SMIM31: variants seen among roughly 807,000 people sequenced by gnomAD.
The protein encoded by SMIM31 is human epithelial cell program regulator.
chr4:164,772,613 CT>C (rs781591633), intron 2 of SMIM31, among the ~76,000 whole-genome samples: 18 of 143,976 alleles, frequency 1.3e-4, no homozygotes, highest in Non-Finnish European at 2.7e-4. Flanking sequence ...GAGTCTCGCT[CT>C]GTCGCCCAGG....
intron 2 of SMIM31, among the ~76,000 whole-genome samples, chr4:164,771,667 G>A (rs1169572239): frequency 6.6e-6 from 1 of 152,068 alleles, no homozygotes; most frequent in Non-Finnish European, 1.5e-5. Context: ...AAATTAGCTG[G>A]GCTTGGTAGC....
At chr4:164,772,727 C>T (rs992679767) in intron 2 of SMIM31, among the ~76,000 whole-genome samples, 39 of 151,454 alleles carry the variant, frequency 2.6e-4, no homozygotes, top group Non-Finnish European at 4.3e-4. Flanking sequence ...TACAGGCGCC[C>T]GCCACCACGC....
chr4:164,763,405 G>C (rs750963704), intron 1 of SMIM31, among the ~76,000 whole-genome samples: 2 of 152,072 alleles, frequency 1.3e-5, no homozygotes, highest in African/African-American at 2.4e-5. Context: ...CATCAGGAAG[G>C]ATGAGAATGT....
chr4:164,763,348 T>C (rs1423780225), intron 1 of SMIM31, among the ~76,000 whole-genome samples: 1 of 152,178 alleles, frequency 6.6e-6, no homozygotes, highest in African/African-American at 2.4e-5. Flanking sequence ...AAATCATCCT[T>C]TAGAAACTCA....
chr4:164,759,184 T>C (rs1023630173), intron 1 of SMIM31, among the ~76,000 whole-genome samples: 1 of 152,168 alleles, frequency 6.6e-6, no homozygotes, highest in African/African-American at 2.4e-5. Context: ...ATTGTTTTTG[T>C]AATGTCTGCC....
intron 2 of SMIM31, among the ~76,000 whole-genome samples, chr4:164,797,361 A>C (rs1254934946): frequency 6.6e-6 from 1 of 152,170 alleles, no homozygotes; most frequent in African/African-American, 2.4e-5. Flanking sequence ...GTCAAGGTTT[A>C]CAGAAACACA....
rs1733308274 is a variant in SMIM31 at position 164,803,112 on chromosome 4, C to T, written c.*1918C>T. 1 of 152,258 alleles carries T rather than the reference C, an allele frequency of 6.6e-6. No individual in the cohort carries two copies. The highest frequency in any genetic ancestry group is 2.4e-5 in the African/African-American group (1 of 41,528). The allele number at this position is 152,258 out of a possible 1,614,324, so 9.4% of individuals were successfully genotyped here. On this transcript the variant is annotated 3_prime_UTR_variant, in exon 3 of 3. Coordinates refer to ENST00000507311, the MANE Select transcript of SMIM31 (RefSeq NM_001352885.1). The stretch of plus-strand genomic sequence containing the variant: ...AACGCTACCTATTATTATTGGAAAG[C>T]ATTTTGGGACATTTGGACTTTTAAG...
intron 1 of SMIM31, among the ~76,000 whole-genome samples, chr4:164,765,871 C>G (rs1357025293): frequency 6.6e-6 from 1 of 152,126 alleles, no homozygotes; most frequent in Non-Finnish European, 1.5e-5. Context: ...TTTATTTTTA[C>G]TCTGGCAGAT....
intron 2 of SMIM31, among the ~76,000 whole-genome samples, chr4:164,797,139 G>A (rs977209257): frequency 5.9e-5 from 9 of 152,020 alleles, no homozygotes; most frequent in South Asian, 4.1e-4. Flanking sequence ...ACTCAATGTC[G>A]CCTTCTTAAT....
intron 2 of SMIM31, among the ~76,000 whole-genome samples, chr4:164,779,138 G>C (rs942882639): frequency 6.6e-6 from 1 of 152,098 alleles, no homozygotes; most frequent in Non-Finnish European, 1.5e-5. Context: ...TTCAACATTC[G>C]GGTATGTATG....
In SMIM31 at chr4:164,757,738, T is replaced by C. The variant is rs568507849; in HGVS notation, c.-26+3327T>C. ...GAAATCAAATGTCATAAAGGGTCGA[T>C]CTTAATTTTGAACCCTTTATTTAGT... On this transcript the variant is annotated intron_variant, in intron 1 of 2. Transcript: ENST00000507311. 6.6e-5 allele frequency among the ~76,000 whole-genome samples: 10 copies of C among 152,226 alleles called. No homozygotes were observed. The East Asian group carries it at 1.4e-3, about 21-fold the overall frequency.
chr4:164,759,497 T>C (rs1241836798), intron 1 of SMIM31, among the ~76,000 whole-genome samples: 1 of 152,214 alleles, frequency 6.6e-6, no homozygotes, highest in Non-Finnish European at 1.5e-5. Context: ...AAAAACTATA[T>C]CTGTAAGTGC....
chr4:164,760,531 G>C (rs1262015220), intron 1 of SMIM31, among the ~76,000 whole-genome samples: 1 of 150,152 alleles, frequency 6.7e-6, no homozygotes, highest in Non-Finnish European at 1.5e-5. Context: ...AGGAGTTCAA[G>C]ACCAGCCTGG....
chr4:164,799,473 G>A (rs565905674), intron 2 of SMIM31, among the ~76,000 whole-genome samples: 8 of 152,190 alleles, frequency 5.3e-5, no homozygotes, highest in South Asian at 2.1e-4. Flanking sequence ...GGAAAGAACA[G>A]CCTAATACAG....
Position 164,770,436 on chromosome 4 carries a change from G to A in SMIM31, c.-8G>A, listed in dbSNP as rs2110931825. 2.5e-6 allele frequency: 1 copy of A among 398,786 alleles called. No individual in the cohort carries two copies. Among genetic ancestry groups the A allele is most frequent in the Non-Finnish European group, 4.4e-6 (1 of 225,980 alleles). 24.7% of individuals were successfully genotyped at this position (398,786 alleles called of 1,614,324 possible). A position where few individuals can be genotyped will look rare whatever the true frequency, so the allele number is the denominator to read the frequency against. ...TATTGTAGGTGAAGAAGTTTTCGGT[G>A]GTGGTTCATGGAGCTTCCCTACACC... On this transcript the variant is annotated 5_prime_UTR_variant, in exon 2 of 3. Coordinates refer to ENST00000507311, the MANE Select transcript of SMIM31 (RefSeq NM_001352885.1).
intron 2 of SMIM31, among the ~76,000 whole-genome samples, chr4:164,787,871 G>A (rs546537427): frequency 5.4e-4 from 82 of 152,252 alleles, no homozygotes; most frequent in African/African-American, 1.8e-3. Context: ...ATTTAGACAC[G>A]TATTTGTTCT....
intron 2 of SMIM31, among the ~76,000 whole-genome samples, chr4:164,796,794 C>G (rs1733203274): frequency 6.6e-6 from 1 of 152,232 alleles, no homozygotes; most frequent in African/African-American, 2.4e-5. Flanking sequence ...TGCCACCACC[C>G]TGATCCAAGC....
At chr4:164,755,542 AGGGGAGGGGAGGGG>A (rs1732548961) in intron 1 of SMIM31, among the ~76,000 whole-genome samples, 2 of 1,718 alleles carry the variant, frequency 1.2e-3, no homozygotes, top group African/African-American at 1.5e-3. Context: ...AGAGGAGAGG[AGGGGAGGGGAGGGG>A]AGGGGAGGGG....
intron 2 of SMIM31, chr4:164,787,290 G>T (rs770593257): frequency 4.0e-5 from 6 of 151,828 alleles, no homozygotes; most frequent in African/African-American, 1.5e-4. Flanking sequence ...GAAAGAAATG[G>T]TGTTCACTTT....
Sources: gnomAD v4.1 joint callset for allele counts (sites outside exome capture counted in the v4.1 genomes callset) on GRCh38, gnomAD v4.1.1 for gene constraint, MANE v1.5 for transcripts, NCBI Gene and HGNC (gene_info 2026-07-23, HGNC 2026-07-21) for gene names.